AGAP1: variants seen among roughly 807,000 people sequenced by gnomAD.
AGAP1 encodes the protein ArfGAP with GTPase domain, ankyrin repeat and PH domain 1.
A neutral mutation model predicts 105.3 loss-of-function variants in AGAP1; 29 were observed. The ratio of observed to expected loss-of-function variants is 0.28; its 90% confidence interval spans 0.21 to 0.38. AGAP1 has a LOEUF of 0.38. Ranked by LOEUF, AGAP1 falls within the 10% of genes least tolerant of loss-of-function variation. AGAP1 has a pLI of 1.00. For synonymous variants in AGAP1, 509 were observed against 485.9 expected (o/e 1.05, Z -0.63); for missense variants, 998 against 1,165.1 (o/e 0.86, Z 2.09).
intron 1 of AGAP1, among the ~76,000 whole-genome samples, chr2:235,624,702 G>A (rs1311389321): frequency 6.6e-6 from 1 of 152,088 alleles, no homozygotes; most frequent in African/African-American, 2.4e-5. Context: ...AGGTGATAGG[G>A]TTTGGAAGTT....
At position 235,631,796 on chromosome 2, in the gene AGAP1, C is replaced by G. The variant is rs560753120; in HGVS notation, c.164-77383C>G. ...GCTAATTAAGTTCCGGCTGTTGTGA[C>G]GGTCTCCTCGGCTGGGTGGCCCTTC... On this transcript the variant is annotated intron_variant, in intron 1 of 17. Transcript: ENST00000304032. The surrounding 1 kb of genome is among the most constrained non-coding windows in gnomAD (Gnocchi z 5.4). 6.6e-6 allele frequency among the ~76,000 whole-genome samples: 1 copy of G among 152,224 alleles called. No homozygotes were observed. The highest frequency in any genetic ancestry group is 1.5e-5 in the Non-Finnish European group (1 of 68,036).
intron 1 of AGAP1, among the ~76,000 whole-genome samples, chr2:235,501,840 G>A (rs868710209): frequency 3.3e-5 from 5 of 152,120 alleles, no homozygotes; most frequent in African/African-American, 9.7e-5. Context: ...GTCTGGCAAA[G>A]CGGATGAGGC....
chr2:236,117,480 G>A (rs192264364), intron 16 of AGAP1, among the ~76,000 whole-genome samples: 7 of 152,308 alleles, frequency 4.6e-5, no homozygotes, highest in African/African-American at 9.6e-5. Context: ...CCGCAGGTTC[G>A]TACTCATTCT....
At chr2:235,984,516 G>A (rs969137319) in intron 13 of AGAP1, among the ~76,000 whole-genome samples, 1 of 145,546 alleles carries the variant, frequency 6.9e-6, no homozygotes, top group African/African-American at 2.6e-5. Context: ...AAATAGATGC[G>A]CAGATTGTGC....
chr2:236,057,570 TGTTTCAC>T (rs1409976336), intron 16 of AGAP1, among the ~76,000 whole-genome samples: 1 of 149,508 alleles, frequency 6.7e-6, no homozygotes, highest in East Asian at 2.0e-4. Context: ...TCAACCCCCG[TGTTTCAC>T]GTAACCACAT....
chr2:235,567,447 C>T (rs1944382594), intron 1 of AGAP1, among the ~76,000 whole-genome samples: 1 of 152,194 alleles, frequency 6.6e-6, no homozygotes, highest in Non-Finnish European at 1.5e-5. Flanking sequence ...CTGCAAGCCC[C>T]AGTCACTGTC....
Position 235,549,561 on chromosome 2 carries a change from C to T in AGAP1, c.163+54712C>T, listed in dbSNP as rs962551673. On this transcript the variant is annotated intron_variant, in intron 1 of 17. Coordinates refer to ENST00000304032, the MANE Select transcript of AGAP1 (RefSeq NM_001037131.3). This position sits in a 1 kb window ranked among gnomAD's most constrained non-coding sequence, Gnocchi z 4.2. Reference sequence around the variant, plus strand: ...TCACGTACAGAGTTGCATTGCTCCTCCGTCTTCCGCGTGCCTGTGGGCAGC... The same window carrying T: ...TCACGTACAGAGTTGCATTGCTCCTTCGTCTTCCGCGTGCCTGTGGGCAGC... 1.3e-5 allele frequency among the ~76,000 whole-genome samples: 2 copies of T among 152,182 alleles called. No homozygotes were observed. The highest frequency in any genetic ancestry group is 6.5e-5 in the Admixed American group (1 of 15,282).
In AGAP1 at chr2:235,712,853, C is replaced by T. The variant is rs74996111; in HGVS notation, c.222+3616C>T. On this transcript the variant is annotated intron_variant, in intron 2 of 17. Coordinates refer to ENST00000304032, the MANE Select transcript of AGAP1 (RefSeq NM_001037131.3). The surrounding 1 kb of genome is among the most constrained non-coding windows in gnomAD (Gnocchi z 6.0). ...CTTGGTTTACTTCCAGCAGTCGCTC[C>T]GACAGCTTCACGGGTGGCGTGACAC... Among the ~76,000 whole-genome samples, 1,704 of 152,334 alleles carry T rather than the reference C, an allele frequency of 0.011. 38 individuals are homozygous for T. Among genetic ancestry groups the T allele is most frequent in the African/African-American group, 0.039 (1,613 of 41,574 alleles).
rs1022345596 is a variant in AGAP1 at position 236,002,710 on chromosome 2, A to G, written c.1646-33851A>G. ...ACACAGAGATGGGCAGGACTGTGAG[A>G]GTCCCCCTGAAAAGCGAGATTTCAT... On this transcript the variant is annotated intron_variant, in intron 13 of 17. Coordinates refer to ENST00000304032, the MANE Select transcript of AGAP1 (RefSeq NM_001037131.3). The surrounding 1 kb of genome is among the most constrained non-coding windows in gnomAD (Gnocchi z 4.3). Among the ~76,000 whole-genome samples the G allele has an allele frequency of 1.3e-5, 2 of 152,246 alleles. No individual in the cohort carries two copies. Among genetic ancestry groups the G allele is most frequent in the African/African-American group, 4.8e-5 (2 of 41,464 alleles).
At chr2:235,524,070 G>A (rs1252003853) in intron 1 of AGAP1, among the ~76,000 whole-genome samples, 3 of 152,230 alleles carry the variant, frequency 2.0e-5, no homozygotes, top group African/African-American at 7.2e-5. Flanking sequence ...GGCATTTGCT[G>A]AGTTCCATGG....
chr2:235,784,022 G>A lies in AGAP1; in HGVS notation c.674-13737G>A, dbSNP rs566402742. ...GATGGGTGGATAGATATATAATAAAGCAAGTATGTAGCAACATGTTACAAT... is the reference window on the plus strand; with the variant it reads ...GATGGGTGGATAGATATATAATAAAACAAGTATGTAGCAACATGTTACAAT... On this transcript the variant is annotated intron_variant, in intron 6 of 17. Transcript: ENST00000304032. Among the ~76,000 whole-genome samples, 4 of 152,290 alleles carry A rather than the reference G, an allele frequency of 2.6e-5. No homozygotes were observed. The South Asian group carries it at 6.2e-4, about 24-fold the overall frequency.
chr2:235,804,859 C>G (rs1331611828), intron 8 of AGAP1, among the ~76,000 whole-genome samples: 1 of 152,194 alleles, frequency 6.6e-6, no homozygotes, highest in Non-Finnish European at 1.5e-5. Flanking sequence ...CAGGGTCACT[C>G]CTGGCAGACG....
chr2:235,840,512 G>A (rs944712805), intron 9 of AGAP1, among the ~76,000 whole-genome samples: 2 of 152,154 alleles, frequency 1.3e-5, no homozygotes, highest in African/African-American at 2.4e-5. Flanking sequence ...ATACTCGTGG[G>A]TCCGTGTTGT....
At chr2:235,954,807 T>G (rs1328627099) in intron 12 of AGAP1, among the ~76,000 whole-genome samples, 1 of 151,922 alleles carries the variant, frequency 6.6e-6, no homozygotes, top group Admixed American at 6.6e-5. Flanking sequence ...CCTAAGCTCT[T>G]TAGGGCAGGA....
At chr2:236,068,657 G>C (rs564094198) in intron 16 of AGAP1, among the ~76,000 whole-genome samples, 3 of 150,002 alleles carry the variant, frequency 2.0e-5, no homozygotes, top group African/African-American at 7.4e-5. Context: ...AAAATTAGCC[G>C]GGCGTGGTGG....
In AGAP1 at chr2:235,709,159, T is replaced by C; in HGVS notation, c.164-20T>C. 1 of 1,613,886 alleles carries C rather than the reference T, an allele frequency of 6.2e-7. No homozygotes were observed. The highest frequency in any genetic ancestry group is 1.1e-5 in the South Asian group (1 of 91,084). ...TTACGTGAGTTATGGTGTCTGACTT[T>C]GTGTCCTCCTCTTTTTCAGATGCCT... On this transcript the variant is annotated intron_variant, in intron 1 of 17. Coordinates refer to ENST00000304032, the MANE Select transcript of AGAP1 (RefSeq NM_001037131.3).
chr2:236,048,662 C>T (rs1015857071), intron 15 of AGAP1, among the ~76,000 whole-genome samples: 2 of 152,208 alleles, frequency 1.3e-5, no homozygotes, highest in Non-Finnish European at 2.9e-5. Flanking sequence ...TGCCCCTCAG[C>T]ACCACTTCTC....
Position 235,566,377 on chromosome 2 carries a change from T to C in AGAP1, c.163+71528T>C, listed in dbSNP as rs1379924908. Among the ~76,000 whole-genome samples the C allele has an allele frequency of 1.3e-5, 2 of 152,194 alleles. No individual in the cohort carries two copies. The highest frequency in any genetic ancestry group is 4.8e-5 in the African/African-American group (2 of 41,466). ...AGCCATCACGCCCGGCCTTGTATTA[T>C]TTTTCAATGCATTGCAAAGTCAACG... On this transcript the variant is annotated intron_variant, in intron 1 of 17. Coordinates refer to ENST00000304032, the MANE Select transcript of AGAP1 (RefSeq NM_001037131.3). This position sits in a 1 kb window ranked among gnomAD's most constrained non-coding sequence, Gnocchi z 5.2.
chr2:235,610,719 CTG>C lies in AGAP1; in HGVS notation c.164-98457_164-98456del, dbSNP rs1425227387. Reference sequence around the variant, plus strand: ...TGCAGACCCGCCATCCTCAAACGCACTGTGCTCCCGTGAGCTCCCTGCCCTGG... The same window carrying C: ...TGCAGACCCGCCATCCTCAAACGCACTGCTCCCGTGAGCTCCCTGCCCTGG... On this transcript the variant is annotated intron_variant, in intron 1 of 17. Transcript: ENST00000304032. The surrounding 1 kb of genome is among the most constrained non-coding windows in gnomAD (Gnocchi z 4.9). Among the ~76,000 whole-genome samples, 1 of 152,164 alleles carries C rather than the reference CTG, an allele frequency of 6.6e-6. No individual in the cohort carries two copies. The highest frequency in any genetic ancestry group is 2.4e-5 in the African/African-American group (1 of 41,438).
Sources: allele counts gnomAD v4.1 joint callset (sites outside exome capture counted in the v4.1 genomes callset), GRCh38; gene constraint gnomAD v4.1.1; non-coding constraint Gnocchi (gnomAD v3.1); transcripts MANE v1.5; gene names NCBI Gene and HGNC (gene_info 2026-07-23, HGNC 2026-07-21).